SMAD3: variants seen among roughly 807,000 people sequenced by gnomAD.
SMAD3 encodes the protein MAD homolog 3.
Under a neutral mutation model 51.8 loss-of-function variants are expected in SMAD3, and 12 were observed. The ratio of observed to expected loss-of-function variants is 0.23; its 90% CI spans 0.15 to 0.38. The LOEUF is 0.38. Ranked by LOEUF, SMAD3 falls within the 10% of genes least tolerant of loss-of-function variation. The probability of loss-of-function intolerance (pLI) is 1.00; values close to 1 mark genes in which losing one functional copy is unlikely to be tolerated. For missense variants in SMAD3, 294 were observed against 565.6 expected (o/e 0.52, Z 4.87); for synonymous variants, 238 against 227.7 (o/e 1.05, Z -0.41).
chr15:67,093,001 C>G (rs1265703447), intron 1 of SMAD3, among the ~76,000 whole-genome samples: 3 of 152,112 alleles, frequency 2.0e-5, no homozygotes, highest in Non-Finnish European at 4.4e-5. Flanking sequence ...GGCTTGTAGC[C>G]TGCTTTGAGT....
chr15:67,083,617 T>C (rs538340480), intron 1 of SMAD3, among the ~76,000 whole-genome samples: 1 of 152,318 alleles, frequency 6.6e-6, no homozygotes, highest in South Asian at 2.1e-4. Context: ...TCAAACTACT[T>C]CTGCTCTCCC....
chr15:67,143,479 G>T (rs951350952), intron 1 of SMAD3, among the ~76,000 whole-genome samples: 3 of 152,182 alleles, frequency 2.0e-5, no homozygotes, highest in African/African-American at 7.2e-5. Context: ...CTGTAGCCCA[G>T]GCTGGAGTAC....
At chr15:67,092,049 C>T (rs371867382) in intron 1 of SMAD3, among the ~76,000 whole-genome samples, 9 of 152,274 alleles carry the variant, frequency 5.9e-5, no homozygotes, top group East Asian at 1.9e-4. Flanking sequence ...CTAAAATTGC[C>T]GACCCAAGGT....
intron 1 of SMAD3, 61 bp downstream of exon 1, chr15:67,066,421 G>A (rs958478064): frequency 7.1e-7 from 1 of 1,402,910 alleles, no homozygotes; most frequent in Non-Finnish European, 1.0e-6. Context: ...GCACTGCGGG[G>A]CCGACCCAGT....
chr15:67,189,349 T>C (rs1963301486), intron 8 of SMAD3, among the ~76,000 whole-genome samples: 1 of 151,926 alleles, frequency 6.6e-6, no homozygotes. Flanking sequence ...GCAAGGAGGG[T>C]GGTGCCTTCA....
chr15:67,150,847 CTTTTT>C (rs58914503), intron 1 of SMAD3, among the ~76,000 whole-genome samples: 2 of 14,668 alleles, frequency 1.4e-4, no homozygotes, highest in Admixed American at 1.7e-3. Flanking sequence ...ATTTCTCAGT[CTTTTT>C]TTTTTTTTTT....
At chr15:67,092,612 C>G (rs890603943) in intron 1 of SMAD3, among the ~76,000 whole-genome samples, 1 of 152,112 alleles carries the variant, frequency 6.6e-6, no homozygotes, top group Non-Finnish European at 1.5e-5. Flanking sequence ...CAATGATGCA[C>G]CGTGTGGAAG....
chr15:67,141,799 C>T (rs909617164), intron 1 of SMAD3, among the ~76,000 whole-genome samples: 2 of 152,164 alleles, frequency 1.3e-5, no homozygotes, highest in Non-Finnish European at 2.9e-5. Flanking sequence ...TAAATCTGCT[C>T]TGGTTCATGG....
chr15:67,094,668 G>A (rs894676809), intron 1 of SMAD3, among the ~76,000 whole-genome samples: 1 of 152,174 alleles, frequency 6.6e-6, no homozygotes, highest in Non-Finnish European at 1.5e-5. Context: ...TGCTTTACAG[G>A]CATTTAGGGA....
chr15:67,181,523 C>A, intron 6 of SMAD3, 70 bp downstream of exon 6: 1 of 1,264,982 alleles, frequency 7.9e-7, no homozygotes, highest in Non-Finnish European at 1.1e-6. Flanking sequence ...CAGCCCCAGG[C>A]CTGAACACAC....
intron 7 of SMAD3, among the ~76,000 whole-genome samples, chr15:67,186,388 GTTGT>G (rs1161543194): frequency 1.3e-5 from 2 of 152,198 alleles, no homozygotes; most frequent in East Asian, 1.9e-4. Flanking sequence ...TGGCTGTGGT[GTTGT>G]TTGTCAGCTC....
At chr15:67,171,968 C>G (rs2140302707) in intron 5 of SMAD3, among the ~76,000 whole-genome samples, 1 of 152,252 alleles carries the variant, frequency 6.6e-6, no homozygotes, top group African/African-American at 2.4e-5. Flanking sequence ...ATTTAAAAAC[C>G]CTCCTGGGGC....
intron 1 of SMAD3, among the ~76,000 whole-genome samples, chr15:67,114,349 G>A (rs561249316): frequency 2.6e-5 from 4 of 152,230 alleles, no homozygotes; most frequent in Admixed American, 1.3e-4. Flanking sequence ...CATCACCTAC[G>A]GTTATGTGTG....
chr15:67,128,743 T>C (rs7175767), intron 1 of SMAD3, among the ~76,000 whole-genome samples: 2,058 of 152,190 alleles, frequency 0.014, 42 homozygotes, highest in African/African-American at 0.047. Flanking sequence ...AGCTAGTTTT[T>C]AAATATATTT....
At chr15:67,182,154 G>A (rs1963078778) in intron 6 of SMAD3, among the ~76,000 whole-genome samples, 1 of 152,128 alleles carries the variant, frequency 6.6e-6, no homozygotes, top group Non-Finnish European at 1.5e-5. Context: ...AGTCATTGTT[G>A]GAAGAGTGAT....
At chr15:67,142,070 G>A (rs1269162898) in intron 1 of SMAD3, among the ~76,000 whole-genome samples, 1 of 152,170 alleles carries the variant, frequency 6.6e-6, no homozygotes, top group East Asian at 1.9e-4. Flanking sequence ...AGGCCACGTA[G>A]CGAGGCAGTG....
intron 1 of SMAD3, among the ~76,000 whole-genome samples, chr15:67,069,780 C>T (rs1176534044): frequency 6.6e-6 from 1 of 152,090 alleles, no homozygotes; most frequent in Non-Finnish European, 1.5e-5. Context: ...GATCTTAGCT[C>T]ACTGCAACCT....
intron 1 of SMAD3, chr15:67,138,293 C>T (rs1961720928): frequency 3.6e-6 from 2 of 550,146 alleles, no homozygotes; most frequent in African/African-American, 3.8e-5. Flanking sequence ...AGGCGTCGCT[C>T]AGGGCCCTCT....
chr15:67,080,354 G>A (rs539638946), intron 1 of SMAD3, among the ~76,000 whole-genome samples: 2 of 152,316 alleles, frequency 1.3e-5, no homozygotes, highest in African/African-American at 4.8e-5. Context: ...GGAACATTTG[G>A]CTATGCTGAT....
Sources: allele counts gnomAD v4.1 joint callset (sites outside exome capture counted in the v4.1 genomes callset), GRCh38; gene constraint gnomAD v4.1.1; transcripts MANE v1.5; gene names NCBI Gene and HGNC (gene_info 2026-07-23, HGNC 2026-07-21).